Variants in CNNM4 observed in about 807,000 individuals in gnomAD.
The protein encoded by CNNM4 is cyclin and CBS domain divalent metal cation transport mediator 4.
Under a neutral mutation model 53.7 loss-of-function variants are expected in CNNM4, and 32 were observed. That is an observed-to-expected ratio of 0.60 (90% CI 0.45 to 0.80). The LOEUF (loss-of-function observed/expected upper bound fraction) is 0.80, where lower values mean the gene tolerates loss of function less well. Ranked by LOEUF, CNNM4 falls within the 30% of genes least tolerant of loss-of-function variation. The pLI, the probability that CNNM4 is intolerant of heterozygous loss-of-function variation, is 0.00. For synonymous variants in CNNM4, 410 were observed against 440.0 expected (o/e 0.93, Z 0.85); for missense variants, 784 against 1,022.0 (o/e 0.77, Z 3.17).
At chr2:96,769,245 C>T (rs148182189) in intron 1 of CNNM4, among the ~76,000 whole-genome samples, 4 of 146,992 alleles carry the variant, frequency 2.7e-5, no homozygotes, top group East Asian at 4.1e-4. Flanking sequence ...AGCGAGACTC[C>T]GTCTCAATAA....
At chr2:96,794,928 T>C (rs1391374757) in intron 1 of CNNM4, among the ~76,000 whole-genome samples, 1 of 152,150 alleles carries the variant, frequency 6.6e-6, no homozygotes, top group Non-Finnish European at 1.5e-5. Flanking sequence ...AAATCCAAAA[T>C]CCCAAATGCT....
intron 4 of CNNM4, 89 bp from the exon 5 acceptor site, chr2:96,799,463 C>T: frequency 4.0e-6 from 5 of 1,248,254 alleles, no homozygotes; most frequent in Non-Finnish European, 4.6e-6. Context: ...CCTCCTGCCC[C>T]ACTGTCCCTT....
At chr2:96,771,337 C>T (rs749473710) in intron 1 of CNNM4, among the ~76,000 whole-genome samples, 7 of 149,722 alleles carry the variant, frequency 4.7e-5, no homozygotes, top group Middle Eastern at 6.9e-3. Context: ...ATTATTTTTC[C>T]GTAGCCATAA....
intron 4 of CNNM4, 51 bp from the exon 5 acceptor site, chr2:96,799,501 C>A (rs1437296287): frequency 6.7e-7 from 1 of 1,491,304 alleles, no homozygotes; most frequent in Non-Finnish European, 9.2e-7. Flanking sequence ...CTGCCTCATC[C>A]TTTGTTTCCT....
chr2:96,795,495 C>A (rs904069500), intron 1 of CNNM4, among the ~76,000 whole-genome samples: 10 of 152,146 alleles, frequency 6.6e-5, no homozygotes, highest in African/African-American at 2.4e-4. Context: ...GTACCCCCCC[C>A]CCCATCACAT....
At chr2:96,786,309 C>G (rs752634143) in intron 1 of CNNM4, among the ~76,000 whole-genome samples, 1 of 148,506 alleles carries the variant, frequency 6.7e-6, no homozygotes, top group Admixed American at 6.8e-5. Flanking sequence ...CCCAGCTACT[C>G]GAGATGAGGC....
At chr2:96,776,970 T>C (rs1408504619) in intron 1 of CNNM4, among the ~76,000 whole-genome samples, 6 of 151,896 alleles carry the variant, frequency 4.0e-5, no homozygotes, top group African/African-American at 1.5e-4. Flanking sequence ...CACATTTTTA[T>C]ATGCTTATTG....
At chr2:96,767,349 C>T (rs536442619) in intron 1 of CNNM4, among the ~76,000 whole-genome samples, 5 of 152,254 alleles carry the variant, frequency 3.3e-5, no homozygotes, top group African/African-American at 7.2e-5. Flanking sequence ...TTGGCCCTTC[C>T]GCTTAAACCT....
intron 1 of CNNM4, among the ~76,000 whole-genome samples, chr2:96,771,362 A>T (rs1021470262): frequency 1.3e-5 from 2 of 150,532 alleles, no homozygotes; most frequent in African/African-American, 4.9e-5. Context: ...GATACATCTC[A>T]TTGCTGGAAC....
chr2:96,785,485 A>T (rs2079009035), intron 1 of CNNM4, among the ~76,000 whole-genome samples: 1 of 151,630 alleles, frequency 6.6e-6, no homozygotes, highest in Admixed American at 6.6e-5. Flanking sequence ...AAAAATACGA[A>T]AGTTGGCCAG....
intron 1 of CNNM4, among the ~76,000 whole-genome samples, chr2:96,791,134 A>AG (rs1357941044): frequency 6.6e-6 from 1 of 151,634 alleles, no homozygotes; most frequent in Non-Finnish European, 1.5e-5. Context: ...AAAAAAAAAA[A>AG]AAAATTAAAA....
chr2:96,772,658 CAT>C (rs1315538057), intron 1 of CNNM4, among the ~76,000 whole-genome samples: 1 of 122,154 alleles, frequency 8.2e-6, no homozygotes, highest in East Asian at 2.7e-4. Context: ...CTCACACACA[CAT>C]GCGTGCACAC....
At position 96,761,457 on chromosome 2, in the gene CNNM4, G is replaced by A. The variant is rs768290533; in HGVS notation, c.458G>A (p.Arg153Gln). ...ATGAAGCTGTATGCACTGTGCACCCGGGCCCAGCCCGACGGGCCCTGGCTG... is the reference window on the plus strand; with the variant it reads ...ATGAAGCTGTATGCACTGTGCACCCAGGCCCAGCCCGACGGGCCCTGGCTG... ...ESMKLYALCT[R>Q]AQPDGPWLKW... Residue 153 changes from arginine to glutamine, a missense_variant, in exon 1 of 7, where the codon CGG (arginine) becomes CAG (glutamine). Transcript: ENST00000377075. The surrounding 1 kb of genome is among the most constrained non-coding windows in gnomAD (Gnocchi z 6.0). The A allele has an allele frequency of 1.9e-6, 3 of 1,613,998 alleles. No homozygotes were observed. The highest frequency in any genetic ancestry group is 1.6e-4 in the Middle Eastern group (1 of 6,084).
intron 1 of CNNM4, among the ~76,000 whole-genome samples, chr2:96,777,782 G>A (rs2078939296): frequency 6.6e-6 from 1 of 152,060 alleles, no homozygotes; most frequent in Non-Finnish European, 1.5e-5. Context: ...GATTACAGGA[G>A]TGAGCCACCA....
chr2:96,762,447 T>C, intron 1 of CNNM4, 46 bp downstream of exon 1: 1 of 1,545,922 alleles, frequency 6.5e-7, no homozygotes, highest in Non-Finnish European at 8.9e-7. Flanking sequence ...TCTTGACGCC[T>C]CTTTTCCCCT....
intron 1 of CNNM4, among the ~76,000 whole-genome samples, chr2:96,773,705 C>A (rs565842530): frequency 9.9e-4 from 150 of 151,926 alleles, no homozygotes; most frequent in South Asian, 3.3e-3. Flanking sequence ...TAGCTGGATG[C>A]GGTGGCGTGT....
chr2:96,789,473 A>T (rs2079041968), intron 1 of CNNM4, among the ~76,000 whole-genome samples: 1 of 152,056 alleles, frequency 6.6e-6, no homozygotes, highest in Admixed American at 6.5e-5. Flanking sequence ...TTGACTGTGG[A>T]GGGCACGGTC....
rs2079157617 is a variant in CNNM4 at position 96,801,513 on chromosome 2, CCACACACAGAGATAGCA to C, written c.1948+1878_1948+1894del. ...CACAGAGACCACACACAGAGAGAGA[CCACACACAGAGATAGCA>C]CACACACAGAGAGACCACACACACA... On this transcript the variant is annotated intron_variant, in intron 5 of 6. Transcript: ENST00000377075. This position sits in a 1 kb window ranked among gnomAD's most constrained non-coding sequence, Gnocchi z 5.6. Among the ~76,000 whole-genome samples, 2 of 145,942 alleles carry C rather than the reference CCACACACAGAGATAGCA, an allele frequency of 1.4e-5. No homozygotes were observed. Among genetic ancestry groups the C allele is most frequent in the African/African-American group, 5.2e-5 (2 of 38,816 alleles).
At chr2:96,806,368 C>G (rs2079205972) in intron 5 of CNNM4, among the ~76,000 whole-genome samples, 1 of 151,286 alleles carries the variant, frequency 6.6e-6, no homozygotes, top group South Asian at 2.1e-4. Context: ...TTAATTAGAT[C>G]TTGGGTTCAG....
Sources: gnomAD v4.1 joint callset for allele counts (sites outside exome capture counted in the v4.1 genomes callset) on GRCh38, gnomAD v4.1.1 for gene constraint, Gnocchi (gnomAD v3.1) non-coding constraint, MANE v1.5 for transcripts, NCBI Gene and HGNC (gene_info 2026-07-23, HGNC 2026-07-21) for gene names.